Variants in SLC24A2 observed in about 807,000 individuals in gnomAD.
The protein encoded by SLC24A2 is solute carrier family 24 member 2, also known as sodium/potassium/calcium exchanger 2.
Under a neutral mutation model 62.0 loss-of-function variants are expected in SLC24A2, and 36 were observed. The observed-to-expected ratio is 0.58, with a 90% CI of 0.44 to 0.77. The LOEUF (loss-of-function observed/expected upper bound fraction) is 0.77, where lower values mean the gene tolerates loss of function less well. Ranked by LOEUF, SLC24A2 falls within the 30% of genes least tolerant of loss-of-function variation. The pLI is 0.00. For synonymous variants in SLC24A2, 358 were observed against 294.0 expected, an observed-to-expected ratio of 1.22 and a Z score of -2.23; for missense variants, 846 against 817.9, an observed-to-expected ratio of 1.03 and a Z score of -0.42.
At position 19,514,900 on chromosome 9, in the gene SLC24A2, G is replaced by A. The variant is rs1379136594; in HGVS notation, c.*1253C>T. On this transcript the variant is annotated 3_prime_UTR_variant, in exon 11 of 11. Coordinates refer to ENST00000341998, the MANE Select transcript of SLC24A2 (RefSeq NM_020344.4). Reference sequence around the variant, plus strand: ...CCCAAGCAGTGCTGATCAGAGTTAAGTTAGTGCTATTGGGAATAATGATTT... The same window carrying A: ...CCCAAGCAGTGCTGATCAGAGTTAAATTAGTGCTATTGGGAATAATGATTT... 1 of 152,160 alleles carries A rather than the reference G, an allele frequency of 6.6e-6. No individual in the cohort carries two copies. The highest frequency in any genetic ancestry group is 1.5e-5 in the Non-Finnish European group (1 of 68,064). The allele number at this position is 152,160 out of a possible 1,614,324, so 9.4% of individuals were successfully genotyped here.
intron 9 of SLC24A2, among the ~76,000 whole-genome samples, chr9:19,523,580 A>C (rs1042907667): frequency 1.3e-5 from 2 of 152,050 alleles, no homozygotes; most frequent in Non-Finnish European, 2.9e-5. Flanking sequence ...CTCCTGCCTC[A>C]GCCTCCCAAG....
At chr9:19,835,162 A>C in the SLC24A2 span, among the ~76,000 whole-genome samples, 1 of 152,236 alleles carries the variant, frequency 6.6e-6, no homozygotes, top group African/African-American at 2.4e-5. Flanking sequence ...AAGAAACTGC[A>C]TCACCTAATG....
chr9:20,101,320 T>C, the SLC24A2 span, among the ~76,000 whole-genome samples: 1 of 152,326 alleles, frequency 6.6e-6, no homozygotes, highest in East Asian at 1.9e-4. Flanking sequence ...ACTATTCAAG[T>C]GTAACCCTCA....
At chr9:20,020,260 A>G in the SLC24A2 span, among the ~76,000 whole-genome samples, 1 of 152,212 alleles carries the variant, frequency 6.6e-6, no homozygotes, top group Non-Finnish European at 1.5e-5. Context: ...TACTATAAAG[A>G]CACATGCACA....
chr9:19,814,432 A>G, the SLC24A2 span, among the ~76,000 whole-genome samples: 1 of 152,276 alleles, frequency 6.6e-6, no homozygotes, highest in East Asian at 1.9e-4. Flanking sequence ...TAAAACAATA[A>G]TAACTTGGTT....
the SLC24A2 span, among the ~76,000 whole-genome samples, chr9:20,109,337 G>T: frequency 6.6e-6 from 1 of 152,190 alleles, no homozygotes; most frequent in East Asian, 1.9e-4. Context: ...AGAAAGACCT[G>T]CTTGCAAGCT....
In SLC24A2 at chr9:19,606,302, A is replaced by G. The variant is rs558015770; in HGVS notation, c.1079-9023T>C. Among the ~76,000 whole-genome samples the G allele has an allele frequency of 1.5e-3, 227 of 152,324 alleles. 1 individual carries two copies. Among genetic ancestry groups the G allele is most frequent in the African/African-American group, 5.3e-3 (220 of 41,576 alleles). On this transcript the variant is annotated intron_variant, in intron 4 of 10. Transcript: ENST00000341998. ...TTTTCTAAAATGAGATTGATTTACTATGGAATTTAACTCCTGCCAATACTG... is the reference window on the plus strand; with the variant it reads ...TTTTCTAAAATGAGATTGATTTACTGTGGAATTTAACTCCTGCCAATACTG...
At chr9:20,025,399 G>A in the SLC24A2 span, among the ~76,000 whole-genome samples, 1 of 152,054 alleles carries the variant, frequency 6.6e-6, no homozygotes, top group Admixed American at 6.6e-5. Context: ...CAAGAATATT[G>A]ACTGGCCTAG....
the SLC24A2 span, among the ~76,000 whole-genome samples, chr9:20,224,837 C>T: frequency 1.3e-5 from 2 of 152,216 alleles, no homozygotes; most frequent in South Asian, 2.1e-4. Context: ...GTATTAGCTG[C>T]TAACTGCTCA....
chr9:19,543,714 T>C (rs774082517), intron 8 of SLC24A2, among the ~76,000 whole-genome samples: 1 of 152,230 alleles, frequency 6.6e-6, no homozygotes, highest in Non-Finnish European at 1.5e-5. Flanking sequence ...GAGCATGTTG[T>C]TCAATTTCCA....
the SLC24A2 span, among the ~76,000 whole-genome samples, chr9:20,010,248 G>A: frequency 6.6e-6 from 1 of 152,182 alleles, no homozygotes; most frequent in Non-Finnish European, 1.5e-5. Flanking sequence ...AAATAATAAA[G>A]GTGTTTCACC....
the SLC24A2 span, among the ~76,000 whole-genome samples, chr9:20,280,336 G>T: frequency 6.6e-6 from 1 of 152,276 alleles, no homozygotes; most frequent in South Asian, 2.1e-4. Flanking sequence ...CCTTCAGAGG[G>T]AGGTGAGGAG....
intron 2 of SLC24A2, among the ~76,000 whole-genome samples, chr9:19,691,053 G>A (rs1015403939): frequency 6.6e-6 from 1 of 152,130 alleles, no homozygotes; most frequent in African/African-American, 2.4e-5. Context: ...AGCTGCCCAA[G>A]ATAATTTCAG....
chr9:20,043,411 T>C, the SLC24A2 span, among the ~76,000 whole-genome samples: 5 of 152,230 alleles, frequency 3.3e-5, no homozygotes, highest in African/African-American at 9.7e-5. Context: ...TTTTGTAAGG[T>C]GATAGCTGCC....
At chr9:19,647,066 G>A (rs200344771) in intron 2 of SLC24A2, among the ~76,000 whole-genome samples, 280 of 25,400 alleles carry the variant, frequency 0.011, 4 homozygotes, top group East Asian at 0.09. Context: ...ACACACACGC[G>A]CGCACACACA....
chr9:19,972,376 G>A, the SLC24A2 span, among the ~76,000 whole-genome samples: 1 of 152,054 alleles, frequency 6.6e-6, no homozygotes, highest in African/African-American at 2.4e-5. Flanking sequence ...AGAGGTTCTG[G>A]GTTTAATTTT....
At chr9:19,825,963 T>A in the SLC24A2 span, among the ~76,000 whole-genome samples, 1 of 152,114 alleles carries the variant, frequency 6.6e-6, no homozygotes, top group Admixed American at 6.6e-5. Flanking sequence ...CATTGAGGTG[T>A]GAATTACCTC....
chr9:20,067,285 T>TGCAA, the SLC24A2 span, among the ~76,000 whole-genome samples: 63 of 152,338 alleles, frequency 4.1e-4, no homozygotes, highest in Non-Finnish European at 6.5e-4. Flanking sequence ...TGTCCCAGGA[T>TGCAA]GCTTGCATCA....
chr9:20,125,617 G>A, the SLC24A2 span, among the ~76,000 whole-genome samples: 1 of 152,104 alleles, frequency 6.6e-6, no homozygotes, highest in Non-Finnish European at 1.5e-5. Context: ...TCATTCCACT[G>A]GGCCCAGGTC....
Sources: allele counts gnomAD v4.1 joint callset (sites outside exome capture counted in the v4.1 genomes callset), GRCh38; gene constraint gnomAD v4.1.1; transcripts MANE v1.5; gene names NCBI Gene and HGNC (gene_info 2026-07-23, HGNC 2026-07-21).